PTPRD: variants seen among roughly 807,000 people sequenced by gnomAD.
The protein encoded by PTPRD is receptor-type tyrosine-protein phosphatase delta.
A neutral mutation model predicts 214.5 loss-of-function variants in PTPRD; 34 were observed. The ratio of observed to expected loss-of-function variants is 0.16; its 90% CI spans 0.12 to 0.21. The LOEUF (loss-of-function observed/expected upper bound fraction) is 0.21. Among genes scored for constraint, PTPRD ranks in the 10% least tolerant of loss-of-function variants. PTPRD has a pLI of 1.00. For missense variants in PTPRD, 2,545 were observed against 2,398.7 expected, an observed-to-expected ratio of 1.06 and a Z score of -1.27; for synonymous variants, 1,128 against 845.7, an observed-to-expected ratio of 1.33 and a Z score of -5.79.
Position 8,650,167 on chromosome 9 carries a change from C to G in PTPRD, c.65-13323G>C, listed in dbSNP as rs542593755. On this transcript the variant is annotated intron_variant, in intron 12 of 45. Coordinates refer to ENST00000381196, the MANE Select transcript of PTPRD (RefSeq NM_002839.4). ...TCCTGGGCTCAAGTGATCCTCCGGCCTCAGTCTCCCAAAGTGCTGGGATTA... is the reference window on the plus strand; with the variant it reads ...TCCTGGGCTCAAGTGATCCTCCGGCGTCAGTCTCCCAAAGTGCTGGGATTA... 4.4e-3 allele frequency among the ~76,000 whole-genome samples: 670 copies of G among 152,182 alleles called. 7 individuals are homozygous for G. Among genetic ancestry groups the G allele is most frequent in the Non-Finnish European group, 5.5e-3 (376 of 67,998 alleles).
chr9:10,080,996 C>G (rs1302073395), intron 3 of PTPRD, among the ~76,000 whole-genome samples: 1 of 152,048 alleles, frequency 6.6e-6, no homozygotes. Flanking sequence ...GTAGGTACAT[C>G]ATTTGAGTAA....
chr9:8,510,363 G>A (rs1384636672), intron 21 of PTPRD, among the ~76,000 whole-genome samples: 1 of 152,110 alleles, frequency 6.6e-6, no homozygotes, highest in Non-Finnish European at 1.5e-5. Flanking sequence ...AGAGGTGTCA[G>A]GTAATTTAGA....
intron 7 of PTPRD, among the ~76,000 whole-genome samples, chr9:9,729,656 C>A (rs1393760101): frequency 4.6e-5 from 7 of 151,936 alleles, no homozygotes; most frequent in African/African-American, 1.7e-4. Context: ...AATAAAAGCA[C>A]CTAATTATAC....
At chr9:9,978,101 C>CAT in intron 4 of PTPRD, among the ~76,000 whole-genome samples, 1 of 90,422 alleles carries the variant, frequency 1.1e-5, no homozygotes, top group Non-Finnish European at 2.5e-5. Context: ...AAAATTAAAA[C>CAT]ACACACACAC....
chr9:10,561,132 G>C (rs537123823), intron 2 of PTPRD, among the ~76,000 whole-genome samples: 1 of 152,092 alleles, frequency 6.6e-6, no homozygotes, highest in Non-Finnish European at 1.5e-5. Context: ...ATTTTAGATG[G>C]TGTCTAGATT....
At chr9:9,340,364 A>G (rs1213234011) in intron 9 of PTPRD, among the ~76,000 whole-genome samples, 1 of 152,214 alleles carries the variant, frequency 6.6e-6, no homozygotes, top group Non-Finnish European at 1.5e-5. Context: ...TTTGCTTTAG[A>G]AGAGGGTTAT....
At chr9:10,106,647 C>G (rs159227) in intron 3 of PTPRD, among the ~76,000 whole-genome samples, 98,284 of 151,152 alleles carry the variant, frequency 0.65, 32,627 homozygotes, top group Middle Eastern at 0.79. Context: ...GAATCAACAT[C>G]ATCAGAAGAA....
At chr9:8,346,519 G>A (rs1427811178) in intron 39 of PTPRD, among the ~76,000 whole-genome samples, 3 of 152,064 alleles carry the variant, frequency 2.0e-5, no homozygotes, top group Non-Finnish European at 2.9e-5. Context: ...GAAAAGTGTG[G>A]TGAAATCTCA....
At chr9:8,798,037 C>T (rs2096484373) in intron 11 of PTPRD, among the ~76,000 whole-genome samples, 1 of 152,078 alleles carries the variant, frequency 6.6e-6, no homozygotes, top group African/African-American at 2.4e-5. Flanking sequence ...TGAGTCAAAG[C>T]TCAAAGTCTT....
intron 5 of PTPRD, among the ~76,000 whole-genome samples, chr9:9,890,753 G>T (rs2073018609): frequency 6.6e-6 from 1 of 151,940 alleles, no homozygotes; most frequent in Admixed American, 6.6e-5. Flanking sequence ...CAATCGGAAG[G>T]GGTGTAATTT....
intron 2 of PTPRD, among the ~76,000 whole-genome samples, chr9:10,569,548 T>C (rs2066778461): frequency 6.6e-6 from 1 of 152,006 alleles, no homozygotes; most frequent in Admixed American, 6.6e-5. Flanking sequence ...TATATATATA[T>C]ACAGGCTTTT....
intron 2 of PTPRD, among the ~76,000 whole-genome samples, chr9:10,576,809 C>A (rs530531207): frequency 6.6e-6 from 1 of 152,062 alleles, no homozygotes; most frequent in Non-Finnish European, 1.5e-5. Flanking sequence ...ATAAAATAAA[C>A]ATTTGTGAAC....
At chr9:9,877,190 G>A (rs2067135337) in intron 5 of PTPRD, among the ~76,000 whole-genome samples, 1 of 152,158 alleles carries the variant, frequency 6.6e-6, no homozygotes, top group Non-Finnish European at 1.5e-5. Context: ...TGGTTAACTA[G>A]TGAGTCATGC....
chr9:9,155,598 G>T (rs1592572053), intron 10 of PTPRD, among the ~76,000 whole-genome samples: 1 of 152,116 alleles, frequency 6.6e-6, no homozygotes, highest in East Asian at 1.9e-4. Flanking sequence ...TAGCCCAGAT[G>T]CTCTAAGTGA....
chr9:8,459,558 T>G (rs551108565), intron 33 of PTPRD, among the ~76,000 whole-genome samples: 382 of 152,194 alleles, frequency 2.5e-3, no homozygotes, highest in Non-Finnish European at 4.4e-3. Flanking sequence ...AGAAAGAATT[T>G]ATAAGAACAA....
At chr9:9,838,806 A>G (rs1456795171) in intron 5 of PTPRD, among the ~76,000 whole-genome samples, 3 of 152,020 alleles carry the variant, frequency 2.0e-5, no homozygotes, top group East Asian at 3.9e-4. Flanking sequence ...TTTTGTTGCC[A>G]TTGCTTTTGG....
chr9:10,004,708 ATAATT>A (rs2096430608), intron 4 of PTPRD, among the ~76,000 whole-genome samples: 2 of 152,074 alleles, frequency 1.3e-5, no homozygotes, highest in South Asian at 4.1e-4. Flanking sequence ...AAATAGTGTC[ATAATT>A]TTATAAACAC....
rs149328606 is a variant in PTPRD at position 9,270,715 on chromosome 9, T to C, written c.-202-87352A>G. ...TCATTGGCTACTGTGTGTAGAATGG[T>C]ATGCAGAAAGATCAATGGATTTAGA... On this transcript the variant is annotated intron_variant, in intron 9 of 45. Coordinates refer to ENST00000381196, the MANE Select transcript of PTPRD (RefSeq NM_002839.4). Among the ~76,000 whole-genome samples the C allele has an allele frequency of 3.8e-4, 57 of 151,552 alleles. 3 individuals carry two copies. The East Asian group carries it at 4.1e-3, about 11-fold the overall frequency.
intron 10 of PTPRD, among the ~76,000 whole-genome samples, chr9:9,177,677 G>T (rs146279780): frequency 6.6e-6 from 1 of 152,118 alleles, no homozygotes; most frequent in East Asian, 1.9e-4. Context: ...TAAGCAAATT[G>T]TTAATGCTTA....
Sources: gnomAD v4.1 joint callset for allele counts (sites outside exome capture counted in the v4.1 genomes callset) on GRCh38, gnomAD v4.1.1 for gene constraint, MANE v1.5 for transcripts, NCBI Gene and HGNC (gene_info 2026-07-23, HGNC 2026-07-21) for gene names.